The following ZNF83 variants were observed in gnomAD, a reference collection of about 807,000 sequenced individuals.
The protein encoded by ZNF83 is zinc finger protein 83.
For synonymous variants in ZNF83, 209 were observed against 213.0 expected (o/e 0.98, Z 0.17); for missense variants, 552 against 629.9 (o/e 0.88, Z 1.32).
intron 2 of ZNF83, among the ~76,000 whole-genome samples, chr19:52,632,864 C>T (rs7247471): frequency 0.026 from 3,910 of 152,204 alleles, 184 homozygotes; most frequent in African/African-American, 0.088. Flanking sequence ...CCCCTTACCA[C>T]AAAATCTTCC....
chr19:52,654,288 G>A (rs1319858466), intron 3 of ZNF83: 1 of 1,539,130 alleles, frequency 6.5e-7, no homozygotes, highest in Non-Finnish European at 9.0e-7. Flanking sequence ...TTTCTGGGAA[G>A]CAAAAATCTC....
At chr19:52,618,266 GT>G (rs967173798) in intron 2 of ZNF83, among the ~76,000 whole-genome samples, 149 of 141,964 alleles carry the variant, frequency 1.0e-3, no homozygotes, top group African/African-American at 1.2e-3. Flanking sequence ...TAATTTTTGT[GT>G]TTTTTTTTTT....
chr19:52,663,782 T>TGTGA (rs151026762), intron 1 of ZNF83, among the ~76,000 whole-genome samples: 2,234 of 152,328 alleles, frequency 0.015, 58 homozygotes, highest in African/African-American at 0.05. Context: ...TCTAATGAAA[T>TGTGA]GTGAGGTCAA....
chr19:52,659,818 CAGAGAT>C (rs373795259), intron 2 of ZNF83, among the ~76,000 whole-genome samples: 1 of 152,180 alleles, frequency 6.6e-6, no homozygotes, highest in African/African-American at 2.4e-5. Context: ...TGTCAAAATT[CAGAGAT>C]AGAGAAAGAA....
At chr19:52,656,152 G>A (rs1205511517) in intron 2 of ZNF83, among the ~76,000 whole-genome samples, 1 of 152,094 alleles carries the variant, frequency 6.6e-6, no homozygotes, top group African/African-American at 2.4e-5. Flanking sequence ...GGCAAAGGTT[G>A]CGGTGAGCTG....
At chr19:52,657,844 T>C (rs373293591) in intron 2 of ZNF83, among the ~76,000 whole-genome samples, 39 of 147,632 alleles carry the variant, frequency 2.6e-4, no homozygotes, top group African/African-American at 9.4e-4. Context: ...AAAAACTCTG[T>C]CTAAAAAAAA....
chr19:52,681,982 G>A (rs1252712752), intron 1 of ZNF83, among the ~76,000 whole-genome samples: 1 of 152,048 alleles, frequency 6.6e-6, no homozygotes, highest in Non-Finnish European at 1.5e-5. Flanking sequence ...CAAGTAGCTG[G>A]GATTACAGGC....
At chr19:52,626,151 G>T (rs2060729536) in intron 2 of ZNF83, among the ~76,000 whole-genome samples, 1 of 152,118 alleles carries the variant, frequency 6.6e-6, no homozygotes. Flanking sequence ...CTACTTATAG[G>T]GTTAGGACTT....
intron 3 of ZNF83, among the ~76,000 whole-genome samples, chr19:52,648,523 G>A (rs1166700333): frequency 6.6e-6 from 1 of 152,082 alleles, no homozygotes; most frequent in Non-Finnish European, 1.5e-5. Context: ...TCTTAAGCAT[G>A]ACTATGTTTT....
chr19:52,631,829 G>A (rs10423500), intron 2 of ZNF83, among the ~76,000 whole-genome samples: 39,630 of 149,966 alleles, frequency 0.26, 3,640 homozygotes, highest in Middle Eastern at 0.32. Context: ...CCACTAGCCC[G>A]CCTCTTAGAA....
At chr19:52,655,495 C>G in intron 3 of ZNF83, 1 of 1,368,700 alleles carries the variant, frequency 7.3e-7, no homozygotes, top group South Asian at 1.2e-5. Flanking sequence ...AAAGAGAATA[C>G]AAAACCAGGA....
At chr19:52,674,511 T>C (rs2061772022) in intron 1 of ZNF83, among the ~76,000 whole-genome samples, 1 of 152,196 alleles carries the variant, frequency 6.6e-6, no homozygotes, top group African/African-American at 2.4e-5. Context: ...GACACGATCC[T>C]CTGTGTAGAA....
chr19:52,612,932 C>T (rs1468929921), exon 3 of ZNF83: 1 of 1,214,978 alleles, frequency 8.2e-7, no homozygotes, highest in African/African-American at 1.5e-5. Flanking sequence ...CTGCTACATT[C>T]ATTATACTTG....
intron 3 of ZNF83, chr19:52,653,921 G>C (rs924593752): frequency 9.7e-7 from 1 of 1,029,770 alleles, no homozygotes; most frequent in Non-Finnish European, 1.5e-6. Flanking sequence ...TCTCTCATGT[G>C]TTCTTCCTGG....
chr19:52,629,178 C>T (rs1055418974), intron 2 of ZNF83, among the ~76,000 whole-genome samples: 4 of 152,144 alleles, frequency 2.6e-5, no homozygotes, highest in Non-Finnish European at 5.9e-5. Context: ...ACAGTAGTTC[C>T]AAATAGCCAG....
At chr19:52,689,239 G>A (rs1283579008) in intron 1 of ZNF83, among the ~76,000 whole-genome samples, 1 of 152,118 alleles carries the variant, frequency 6.6e-6, no homozygotes. Context: ...TGAATCCACT[G>A]AGCCAGTGCG....
At chr19:52,663,617 A>G (rs2061607767) in intron 1 of ZNF83, among the ~76,000 whole-genome samples, 1 of 152,258 alleles carries the variant, frequency 6.6e-6, no homozygotes, top group Admixed American at 6.5e-5. Flanking sequence ...TGATATCTTT[A>G]TTGAGTACAC....
chr19:52,616,124 CA>C (rs1270451379), intron 2 of ZNF83, among the ~76,000 whole-genome samples: 1 of 152,218 alleles, frequency 6.6e-6, no homozygotes, highest in African/African-American at 2.4e-5. Flanking sequence ...AGGTGTGAGC[CA>C]CTGCGCCCAG....
chr19:52,652,870 G>C, intron 3 of ZNF83: 1 of 1,017,766 alleles, frequency 9.8e-7, no homozygotes, highest in South Asian at 1.3e-5. Context: ...ATGACTGAAG[G>C]TCTTGCCACA....
Sources: gnomAD v4.1 joint callset for allele counts (sites outside exome capture counted in the v4.1 genomes callset) on GRCh38, gnomAD v4.1.1 for gene constraint, MANE v1.5 for transcripts, NCBI Gene and HGNC (gene_info 2026-07-23, HGNC 2026-07-21) for gene names.